The following EYS variants were observed in gnomAD, a reference collection of about 807,000 sequenced individuals.
The protein encoded by EYS is EGF-like photoreceptor maintenance factor.
In EYS, 250 loss-of-function variants were observed where a neutral mutation model predicts 282.1. The observed-to-expected ratio is 0.89, with a 90% CI of 0.80 to 0.98. The LOEUF (loss-of-function observed/expected upper bound fraction) is 0.98. EYS is among the 50% of genes least tolerant of loss of function. The pLI is 0.00. For synonymous variants in EYS, 1,355 were observed against 1,282.9 expected, an observed-to-expected ratio of 1.06 and a Z score of -1.20; for missense variants, 4,016 against 3,709.0, an observed-to-expected ratio of 1.08 and a Z score of -2.15.
chr6:63,986,913 G>T (rs1272610650), intron 34 of EYS, among the ~76,000 whole-genome samples: 3 of 148,658 alleles, frequency 2.0e-5, no homozygotes, highest in Non-Finnish European at 3.0e-5. Flanking sequence ...CTTCACATGT[G>T]CCCCCAAACC....
intron 26 of EYS, among the ~76,000 whole-genome samples, chr6:64,538,751 T>A (rs749126548): frequency 2.6e-5 from 4 of 152,068 alleles, no homozygotes; most frequent in Non-Finnish European, 4.4e-5. Context: ...CTATAATGGG[T>A]TTTAATTATG....
intron 35 of EYS, among the ~76,000 whole-genome samples, chr6:63,916,258 G>A (rs2624661): frequency 0.7 from 106,679 of 152,060 alleles, 37,575 homozygotes; most frequent in Non-Finnish European, 0.73. Flanking sequence ...GATGATTGTT[G>A]GCATATATTT....
chr6:65,081,601 G>A (rs1450222253), intron 12 of EYS, among the ~76,000 whole-genome samples: 1 of 151,896 alleles, frequency 6.6e-6, no homozygotes, highest in East Asian at 1.9e-4. Context: ...TCATTGATAT[G>A]AATTTCACTT....
intron 31 of EYS, among the ~76,000 whole-genome samples, chr6:64,160,276 A>C (rs1337732613): frequency 6.6e-6 from 1 of 152,238 alleles, no homozygotes; most frequent in Non-Finnish European, 1.5e-5. Flanking sequence ...AGATTACAGT[A>C]GCACATATGG....
chr6:65,230,268 G>T (rs1256149699), intron 12 of EYS, among the ~76,000 whole-genome samples: 1 of 151,854 alleles, frequency 6.6e-6, no homozygotes, highest in Middle Eastern at 3.4e-3. Context: ...ATTACACTGT[G>T]TTTTGTTCCA....
intron 33 of EYS, among the ~76,000 whole-genome samples, chr6:64,010,903 C>A (rs536112055): frequency 2.6e-5 from 4 of 152,226 alleles, no homozygotes; most frequent in African/African-American, 9.6e-5. Flanking sequence ...TCTTCCTGGG[C>A]TGGCAGCTTG....
intron 26 of EYS, among the ~76,000 whole-genome samples, chr6:64,562,282 TG>T (rs1467147637): frequency 1.3e-5 from 2 of 151,906 alleles, no homozygotes; most frequent in Non-Finnish European, 2.9e-5. Flanking sequence ...TCAAATCTGA[TG>T]TTTCCTAGAA....
intron 22 of EYS, among the ~76,000 whole-genome samples, chr6:64,804,084 GGCT>G (rs1764351061): frequency 6.6e-6 from 1 of 152,154 alleles, no homozygotes; most frequent in South Asian, 2.1e-4. Flanking sequence ...TCTTTGCAGT[GGCT>G]GGTCCAGATG....
chr6:64,366,840 T>C (rs1031339858), intron 29 of EYS, among the ~76,000 whole-genome samples: 3 of 152,102 alleles, frequency 2.0e-5, no homozygotes, highest in African/African-American at 4.8e-5. Flanking sequence ...CTTGCTCTTT[T>C]TAGTTGCATT....
chr6:65,674,254 T>C (rs143190772), intron 1 of EYS, among the ~76,000 whole-genome samples: 3,405 of 151,282 alleles, frequency 0.023, 64 homozygotes, highest in Non-Finnish European at 0.035. Flanking sequence ...ACTTCCCAAA[T>C]TGGGGCAAGG....
chr6:64,201,808 T>C (rs928285235), intron 31 of EYS, among the ~76,000 whole-genome samples: 3 of 152,182 alleles, frequency 2.0e-5, no homozygotes, highest in Non-Finnish European at 4.4e-5. Context: ...GGATATACTT[T>C]TGCTGGTGAA....
intron 14 of EYS, among the ~76,000 whole-genome samples, chr6:64,972,169 A>G (rs1199082675): frequency 6.6e-6 from 1 of 152,188 alleles, no homozygotes; most frequent in East Asian, 1.9e-4. Flanking sequence ...AAGACGTGGA[A>G]GAAGACATAG....
In EYS at chr6:63,903,524, G is replaced by A. The variant is rs1176129141; in HGVS notation, c.7056-39166C>T. ...ATCTAATAATCTTTGGTGGCAATGA[G>A]GCCTAACCTGAACCTATGTCAAATG... On this transcript the variant is annotated intron_variant, in intron 35 of 42. Coordinates refer to ENST00000503581, the MANE Select transcript of EYS (RefSeq NM_001142800.2). Among the ~76,000 whole-genome samples the A allele has an allele frequency of 2.6e-5, 4 of 152,082 alleles. No homozygotes were observed. The East Asian group carries it at 7.7e-4, about 29-fold the overall frequency.
At chr6:64,652,555 C>T (rs906639450) in intron 22 of EYS, among the ~76,000 whole-genome samples, 3 of 152,188 alleles carry the variant, frequency 2.0e-5, no homozygotes, top group African/African-American at 4.8e-5. Flanking sequence ...CCCCAACAAA[C>T]ACTCTGATTT....
chr6:64,605,454 A>C (rs1766897470), intron 24 of EYS, among the ~76,000 whole-genome samples: 1 of 152,010 alleles, frequency 6.6e-6, no homozygotes, highest in Admixed American at 6.6e-5. Flanking sequence ...CAGTCATCAT[A>C]TCAGAACAAT....
At chr6:65,380,695 TG>T (rs1765577062) in intron 8 of EYS, among the ~76,000 whole-genome samples, 1 of 151,888 alleles carries the variant, frequency 6.6e-6, no homozygotes, top group African/African-American at 2.4e-5. Flanking sequence ...ACCTACAGAA[TG>T]GGAGAAAAAT....
In EYS at chr6:64,131,526, C is replaced by T. The variant is rs1220013149; in HGVS notation, c.6425-49524G>A. On this transcript the variant is annotated intron_variant, in intron 31 of 42. Transcript: ENST00000503581. ...GTGGTGTACAGTATAGACCATGTGA[C>T]TTGTGTGTGGGGGAGCAGTGCGGGG... Among the ~76,000 whole-genome samples the T allele has an allele frequency of 4.0e-5, 6 of 151,882 alleles. No homozygotes were observed. The East Asian group carries it at 9.7e-4, about 24-fold the overall frequency.
At chr6:64,042,801 G>C (rs977143027) in intron 33 of EYS, among the ~76,000 whole-genome samples, 2 of 152,164 alleles carry the variant, frequency 1.3e-5, no homozygotes, top group Admixed American at 6.5e-5. Context: ...GGCTGGTCTC[G>C]GCTGACTTGC....
intron 29 of EYS, among the ~76,000 whole-genome samples, chr6:64,334,708 C>T (rs1317475018): frequency 6.6e-6 from 1 of 152,162 alleles, no homozygotes. Context: ...ACTGGATTAT[C>T]TTTTAGCTTC....
Sources: allele counts gnomAD v4.1 joint callset (sites outside exome capture counted in the v4.1 genomes callset), GRCh38; gene constraint gnomAD v4.1.1; transcripts MANE v1.5; gene names NCBI Gene and HGNC (gene_info 2026-07-23, HGNC 2026-07-21).